The following ARHGEF26 variants were observed in gnomAD, a reference collection of about 807,000 sequenced individuals.
ARHGEF26 encodes Rho guanine nucleotide exchange factor 26, also known as Rho guanine nucleotide exchange factor (GEF) 26.
ARHGEF26 carries 59 observed loss-of-function variants against 89.4 expected under a neutral mutation model. The ratio of observed to expected loss-of-function variants is 0.66; its 90% CI spans 0.54 to 0.82. The LOEUF (loss-of-function observed/expected upper bound fraction) is 0.82, where lower values mean the gene tolerates loss of function less well. Ranked by LOEUF, ARHGEF26 falls within the 40% of genes least tolerant of loss-of-function variation. The pLI is 0.00. For synonymous variants in ARHGEF26, 500 were observed against 428.4 expected, an observed-to-expected ratio of 1.17 and a Z score of -2.06; for missense variants, 1,234 against 1,085.6, an observed-to-expected ratio of 1.14 and a Z score of -1.92.
At chr3:154,178,758 G>C (rs1006967129) in intron 6 of ARHGEF26, among the ~76,000 whole-genome samples, 7 of 152,086 alleles carry the variant, frequency 4.6e-5, no homozygotes, top group Non-Finnish European at 7.4e-5. Context: ...GGAATTGAAG[G>C]GTCATATGGA....
intron 4 of ARHGEF26, among the ~76,000 whole-genome samples, chr3:154,140,101 A>G (rs1331942260): frequency 1.9e-4 from 5 of 26,030 alleles, no homozygotes; most frequent in African/African-American, 1.1e-3. Flanking sequence ...TTATATCCAC[A>G]TGGGTCCAAA....
In ARHGEF26 at chr3:154,256,685, CTACAG is replaced by C. The variant is rs1718533716; in HGVS notation, c.*1215_*1219del. The C allele has an allele frequency of 5.5e-6, 7 of 1,263,650 alleles. No homozygotes were observed. In the South Asian group the frequency reaches 1.5e-4, roughly 28 times the overall value. The allele number at this position is 1,263,650 out of a possible 1,614,324, so 78.3% of individuals were successfully genotyped here. On this transcript the variant is annotated 3_prime_UTR_variant, in exon 15 of 15. Coordinates refer to ENST00000465093, the MANE Select transcript of ARHGEF26 (RefSeq NM_015595.4). Reference sequence around the variant, plus strand: ...CCAAATAGAAATTAGCTGGAACACACTACAGTAATCTCAAGGAAGGGAAAATTAGG... The same window carrying C: ...CCAAATAGAAATTAGCTGGAACACACTAATCTCAAGGAAGGGAAAATTAGG...
At chr3:154,136,754 C>G (rs1303452654) in intron 4 of ARHGEF26, among the ~76,000 whole-genome samples, 2 of 152,118 alleles carry the variant, frequency 1.3e-5, no homozygotes, top group African/African-American at 4.8e-5. Flanking sequence ...TTGTTTGTGA[C>G]TTGTTGCTTA....
chr3:154,191,259 G>T, intron 7 of ARHGEF26, 30 bp from the exon 8 acceptor site: 1 of 1,578,052 alleles, frequency 6.3e-7, no homozygotes, highest in East Asian at 2.3e-5. Flanking sequence ...GAAATATTTT[G>T]AAGTTTCTCT....
rs371377502 is a variant in ARHGEF26, at chr3:154,214,598, T to A, written c.1846-3271T>A. ...TGCTCAGGTTTGGTCATGCTGAATT[T>A]GAAATGGCTCTGGGAAATTTAAGAA... On this transcript the variant is annotated intron_variant, in intron 9 of 14. Coordinates refer to ENST00000465093, the MANE Select transcript of ARHGEF26 (RefSeq NM_015595.4). Among the ~76,000 whole-genome samples, 23 of 152,276 alleles carry A rather than the reference T, an allele frequency of 1.5e-4. No individual in the cohort carries two copies. The East Asian group carries it at 3.9e-3, about 26-fold the overall frequency.
intron 11 of ARHGEF26, among the ~76,000 whole-genome samples, chr3:154,234,609 T>G (rs1004621381): frequency 3.3e-5 from 5 of 152,204 alleles, no homozygotes; most frequent in Non-Finnish European, 5.9e-5. Context: ...TTAATTTTTT[T>G]AGAGATTTGA....
intron 6 of ARHGEF26, among the ~76,000 whole-genome samples, chr3:154,158,273 C>T (rs912321935): frequency 6.6e-6 from 1 of 152,232 alleles, no homozygotes; most frequent in African/African-American, 2.4e-5. Flanking sequence ...AGAGGAATTG[C>T]ACAGTGTGCA....
chr3:154,166,675 C>T (rs1712061844), intron 6 of ARHGEF26, among the ~76,000 whole-genome samples: 1 of 152,112 alleles, frequency 6.6e-6, no homozygotes, highest in Admixed American at 6.6e-5. Flanking sequence ...TTTGCAATGC[C>T]TGTGTTTTTT....
rs140006317 is a variant in ARHGEF26 at position 154,205,574 on chromosome 3, G to T, written c.1845+10856G>T. On this transcript the variant is annotated intron_variant, in intron 9 of 14. Coordinates refer to ENST00000465093, the MANE Select transcript of ARHGEF26 (RefSeq NM_015595.4). ...GTTATTTGTTTTCTGGTTGTTTTGT[G>T]GTCTTCTATTCCTTCTTTCCTTCCT... Among the ~76,000 whole-genome samples, 63 of 151,920 alleles carry T rather than the reference G, an allele frequency of 4.1e-4. No individual in the cohort carries two copies. The East Asian group carries it at 0.012, about 28-fold the overall frequency.
At chr3:154,221,558 TGAGGAAAAACATCTAAATATCTATCAAA>T (rs964931289) in intron 10 of ARHGEF26, among the ~76,000 whole-genome samples, 3 of 152,160 alleles carry the variant, frequency 2.0e-5, no homozygotes, top group African/African-American at 7.2e-5. Flanking sequence ...TAGTGAAAGA[TGAGGAAAAACATCTAAATATCTATCAAA>T]GAGGATTAAT....
intron 10 of ARHGEF26, among the ~76,000 whole-genome samples, chr3:154,221,148 A>G (rs1335513380): frequency 6.8e-6 from 1 of 146,306 alleles, no homozygotes; most frequent in African/African-American, 2.7e-5. Context: ...GTGTAAAACA[A>G]AAAAAAAAAA....
At chr3:154,160,221 A>G (rs539318814) in intron 6 of ARHGEF26, among the ~76,000 whole-genome samples, 1 of 152,312 alleles carries the variant, frequency 6.6e-6, no homozygotes, top group Non-Finnish European at 1.5e-5. Flanking sequence ...AAGTAAGTCT[A>G]CGTGAGTATT....
intron 4 of ARHGEF26, among the ~76,000 whole-genome samples, chr3:154,136,740 T>A (rs1719034243): frequency 6.6e-6 from 1 of 152,240 alleles, no homozygotes; most frequent in Non-Finnish European, 1.5e-5. Context: ...GTCTGAATTT[T>A]CAGTTGTTTG....
At chr3:154,206,751 G>GA (rs1050604179) in intron 9 of ARHGEF26, among the ~76,000 whole-genome samples, 1 of 151,996 alleles carries the variant, frequency 6.6e-6, no homozygotes, top group Non-Finnish European at 1.5e-5. Context: ...CACAGAATTA[G>GA]AAAAAAAGTA....
rs1346647961 is a variant in ARHGEF26, at chr3:154,122,009, A to G, written c.17A>G (p.Glu6Gly). Residue 6 changes from glutamate to glycine, a missense_variant, in exon 2 of 15, where the codon GAG (glutamate) becomes GGG (glycine). Transcript: ENST00000465093. ...GGCCCGGCTATGGACGGCGAGAGCG[A>G]GGTGGATTTTTCTAGCAACAGCATA... MDGES[E>G]VDFSSNSITP... 1 of 1,593,584 alleles carries G rather than the reference A, an allele frequency of 6.3e-7. No individual in the cohort carries two copies. The highest frequency in any genetic ancestry group is 8.6e-7 in the Non-Finnish European group (1 of 1,163,916).
intron 6 of ARHGEF26, among the ~76,000 whole-genome samples, chr3:154,175,885 C>T (rs1712788413): frequency 6.6e-6 from 1 of 152,184 alleles, no homozygotes; most frequent in Non-Finnish European, 1.5e-5. Context: ...TATAAACCCA[C>T]TTGGGAACTG....
rs983057323 is a variant in ARHGEF26 at position 154,241,490 on chromosome 3, A to G, written c.2300+911A>G. Among the ~76,000 whole-genome samples, 16 of 152,254 alleles carry G rather than the reference A, an allele frequency of 1.1e-4. 1 individual carries two copies. Among genetic ancestry groups the G allele is most frequent in the Admixed American group, 5.2e-4 (8 of 15,284 alleles). On this transcript the variant is annotated intron_variant, in intron 12 of 14. Transcript: ENST00000465093. The stretch of plus-strand genomic sequence containing the variant: ...ATCCCAAAGAGGTATCTTCACCTTA[A>G]GACTGATTTTAACAGTGTTCCTAGA...
At chr3:154,130,751 A>C (rs1414781528) in intron 4 of ARHGEF26, among the ~76,000 whole-genome samples, 1 of 152,138 alleles carries the variant, frequency 6.6e-6, no homozygotes, top group Non-Finnish European at 1.5e-5. Context: ...GGTTCAGGGG[A>C]GCTTTGCATC....
At chr3:154,168,403 C>G (rs1168120773) in intron 6 of ARHGEF26, among the ~76,000 whole-genome samples, 1 of 152,030 alleles carries the variant, frequency 6.6e-6, no homozygotes, top group Non-Finnish European at 1.5e-5. Context: ...ATGGCGAAAC[C>G]CTGTCTCTAC....
Sources: gnomAD v4.1 joint callset for allele counts (sites outside exome capture counted in the v4.1 genomes callset) on GRCh38, gnomAD v4.1.1 for gene constraint, MANE v1.5 for transcripts, NCBI Gene and HGNC (gene_info 2026-07-23, HGNC 2026-07-21) for gene names.